PCDHGA7: variants seen among roughly 807,000 people sequenced by gnomAD.
The protein encoded by PCDHGA7 is protocadherin gamma-A7.
PCDHGA7 carries 44 observed loss-of-function variants against 58.3 expected under a neutral mutation model. The observed-to-expected ratio is 0.75, with a 90% CI of 0.59 to 0.97. PCDHGA7 has a LOEUF of 0.97. Ranked by LOEUF, PCDHGA7 falls within the 50% of genes least tolerant of loss-of-function variation. PCDHGA7 has a pLI of 0.00. For missense variants in PCDHGA7, 1,266 were observed against 1,188.7 expected (o/e 1.06, Z -0.96); for synonymous variants, 516 against 504.2 (o/e 1.02, Z -0.31).
chr5:141,384,940 T>A lies in PCDHGA7; in HGVS notation c.2041T>A (p.Ser681Thr), dbSNP rs781038163. The A allele has an allele frequency of 1.2e-6, 2 of 1,613,942 alleles. No individual in the cohort carries two copies. The highest frequency in any genetic ancestry group is 1.7e-6 in the Non-Finnish European group (2 of 1,179,994). ...VLADLGSLEP[S>T]DGPYNYDLTL... ...GGCCGACCTGGGCAGCCTTGAGCCCTCCGACGGTCCTTACAACTATGACCT... is the reference window on the plus strand; with the variant it reads ...GGCCGACCTGGGCAGCCTTGAGCCCACCGACGGTCCTTACAACTATGACCT... Residue 681 changes from serine (S) to threonine (T), a missense_variant, in exon 1 of 4, where the codon TCC becomes ACC. By Grantham distance (58) the Ser-to-Thr change is moderately conservative. Coordinates refer to ENST00000518325, the MANE Select transcript of PCDHGA7 (RefSeq NM_018920.4).
chr5:141,411,752 C>T (rs2095512204), intron 1 of PCDHGA7: 1 of 152,734 alleles, frequency 6.5e-6, no homozygotes. Context: ...TGTGGTGGCA[C>T]ATGCCTGTGG....
At chr5:141,416,657 A>C (rs1194195210) in intron 1 of PCDHGA7, 6 of 152,232 alleles carry the variant, frequency 3.9e-5, no homozygotes, top group Non-Finnish European at 7.3e-5. Context: ...TGTAAAAAAG[A>C]AAAGAATATA....
Position 141,382,942 on chromosome 5 carries a change from C to G in PCDHGA7, c.43C>G (p.Leu15Val). Residue 15 changes from leucine (L) to valine (V), a missense_variant, in exon 1 of 4, where the codon CTG becomes GTG. By Grantham distance (32) the Leu-to-Val change is conservative. Coordinates refer to ENST00000518325, the MANE Select transcript of PCDHGA7 (RefSeq NM_018920.4). ...GGGCGGGGACTACAGAGGATTCTTC[C>G]TGCTCTCCATCCTCCTGGGGACCCC... ...PRGGDYRGFF[L>V]LSILLGTPWE... 6.3e-7 allele frequency: 1 copy of G among 1,595,524 alleles called. No homozygotes were observed. The highest frequency in any genetic ancestry group is 1.3e-5 in the African/African-American group (1 of 74,540).
intron 1 of PCDHGA7, chr5:141,484,858 T>A: frequency 4.1e-6 from 1 of 245,806 alleles, no homozygotes; most frequent in Non-Finnish European, 7.8e-6. Context: ...TTTTGGGGGG[T>A]GGGGGAGCGT....
At position 141,404,691 on chromosome 5, in the gene PCDHGA7, G is replaced by T. The variant is rs200601931; in HGVS notation, c.2424+19368G>T. ...TCTACTGGTGTGGAGCTGGCACCCC[G>T]CTCTGCAGAGCCTGGCTACCTGGTG... On this transcript the variant is annotated intron_variant, in intron 1 of 3. Transcript: ENST00000518325. 28 of 1,613,996 alleles carry T rather than the reference G, an allele frequency of 1.7e-5. No individual in the cohort carries two copies. The highest frequency in any genetic ancestry group is 1.6e-4 in the Middle Eastern group (1 of 6,062).
chr5:141,432,415 G>A lies in PCDHGA7; in HGVS notation c.2424+47092G>A, dbSNP rs2097498934. The A allele has an allele frequency of 6.2e-7, 1 of 1,614,112 alleles. No homozygotes were observed. The highest frequency in any genetic ancestry group is 1.1e-5 in the South Asian group (1 of 91,092). On this transcript the variant is annotated intron_variant, in intron 1 of 3. Transcript: ENST00000518325. This position sits in a 1 kb window ranked among gnomAD's most constrained non-coding sequence, Gnocchi z 6.0. ...GCAACGTGTCGTTGAGCCTGTTCGT[G>A]CTGGACCAGAACGACAATGCGCCCG... is the stretch of plus-strand genomic sequence containing the variant.
intron 1 of PCDHGA7, chr5:141,421,916 G>A (rs754653877): frequency 2.5e-6 from 4 of 1,613,646 alleles, no homozygotes; most frequent in Non-Finnish European, 2.5e-6. Flanking sequence ...GTTCCCATTC[G>A]TGTGGTGGTC....
chr5:141,469,855 G>T (rs1272105046), intron 1 of PCDHGA7, among the ~76,000 whole-genome samples: 4 of 152,186 alleles, frequency 2.6e-5, no homozygotes, highest in Non-Finnish European at 4.4e-5. Flanking sequence ...TTCAGACCGG[G>T]TGCAATGGCT....
In PCDHGA7 at chr5:141,485,507, G is replaced by A. The variant is rs766643911; in HGVS notation, c.2425-9300G>A. 6.8e-6 allele frequency: 11 copies of A among 1,614,174 alleles called. No homozygotes were observed. Among genetic ancestry groups the A allele is most frequent in the Non-Finnish European group, 8.5e-6 (10 of 1,180,036 alleles). ...CGTGCCCCTGGAGTTTGTCACCGAA[G>A]GTCCTTTGGAAATGTACCGAGCAGA... On this transcript the variant is annotated intron_variant, in intron 1 of 3. Transcript: ENST00000518325. The surrounding 1 kb of genome is among the most constrained non-coding windows in gnomAD (Gnocchi z 5.7).
chr5:141,444,377 G>A (rs1035830834), intron 1 of PCDHGA7, among the ~76,000 whole-genome samples: 3 of 151,802 alleles, frequency 2.0e-5, no homozygotes, highest in Non-Finnish European at 4.4e-5. Context: ...CTCCATGTTG[G>A]TCAGGCTAGT....
At chr5:141,421,973 G>C in intron 1 of PCDHGA7, 1 of 1,610,100 alleles carries the variant, frequency 6.2e-7, no homozygotes, top group Non-Finnish European at 8.5e-7. Context: ...TCCGTATATC[G>C]CGTGAGTGTT....
Position 141,390,485 on chromosome 5 carries a change from T to G in PCDHGA7, c.2424+5162T>G, listed in dbSNP as rs919971230. On this transcript the variant is annotated intron_variant, in intron 1 of 3. Transcript: ENST00000518325. The stretch of plus-strand genomic sequence containing the variant: ...GCAATTGTGTGGCCCAACATTTGTT[T>G]GTTTTTTAGCCAAGCTTAGATTTAT... The G allele has an allele frequency of 1.4e-5, 9 of 656,166 alleles. No homozygotes were observed. The African/African-American group carries it at 1.5e-4, about 11-fold the overall frequency. The allele number at this position is 656,166 out of a possible 1,614,324, so 40.6% of individuals were successfully genotyped here.
intron 3 of PCDHGA7, among the ~76,000 whole-genome samples, chr5:141,505,976 A>G (rs911235674): frequency 1.3e-5 from 2 of 152,136 alleles, no homozygotes; most frequent in Admixed American, 1.3e-4. Context: ...CCCAGCCGAG[A>G]GAACACCTCC....
chr5:141,467,057 T>TG, intron 1 of PCDHGA7, among the ~76,000 whole-genome samples: 1 of 144,752 alleles, frequency 6.9e-6, no homozygotes, highest in Non-Finnish European at 1.5e-5. Context: ...AATGTTTTCT[T>TG]TTTTTTTTTT....
intron 1 of PCDHGA7, chr5:141,403,362 G>C: frequency 6.2e-7 from 1 of 1,614,062 alleles, no homozygotes; most frequent in Non-Finnish European, 8.5e-7. Flanking sequence ...CAGGCCGAAA[G>C]TCTGGAAGTA....
intron 1 of PCDHGA7, chr5:141,399,313 A>C: frequency 6.2e-7 from 1 of 1,613,952 alleles, no homozygotes; most frequent in Non-Finnish European, 8.5e-7. Flanking sequence ...TTCATCCAAA[A>C]ATTCGTATAA....
intron 1 of PCDHGA7, chr5:141,398,266 G>A: frequency 1.4e-6 from 2 of 1,439,368 alleles, no homozygotes; most frequent in Non-Finnish European, 1.9e-6. Flanking sequence ...GGGCTCCGTA[G>A]TGGGGAACCT....
chr5:141,415,189 A>T (rs575244490), intron 1 of PCDHGA7: 2 of 1,613,840 alleles, frequency 1.2e-6, no homozygotes, highest in Non-Finnish European at 1.7e-6. Context: ...GGCCGACAGC[A>T]TCCCCCAAGT....
At chr5:141,475,600 T>A (rs1023916159) in intron 1 of PCDHGA7, among the ~76,000 whole-genome samples, 2 of 152,192 alleles carry the variant, frequency 1.3e-5, no homozygotes, top group Admixed American at 1.3e-4. Context: ...TTCCAGACAA[T>A]GTTGTGTAGT....
Sources: gnomAD v4.1 joint callset for allele counts (sites outside exome capture counted in the v4.1 genomes callset) on GRCh38, gnomAD v4.1.1 for gene constraint, Gnocchi (gnomAD v3.1) non-coding constraint, MANE v1.5 for transcripts, NCBI Gene and HGNC (gene_info 2026-07-23, HGNC 2026-07-21) for gene names.